The following CACNA1B variants were observed in gnomAD, a reference collection of about 807,000 sequenced individuals.
CACNA1B encodes voltage-dependent N-type calcium channel subunit alpha-1B.
In CACNA1B, 70 loss-of-function variants were observed where a neutral mutation model predicts 247.2. That is an observed-to-expected ratio of 0.28 (90% CI 0.23 to 0.35). The LOEUF is 0.35. CACNA1B is among the 10% of genes least tolerant of loss of function. CACNA1B has a pLI of 1.00. For missense variants in CACNA1B, 2,367 were observed against 3,197.4 expected, an observed-to-expected ratio of 0.74 and a Z score of 6.26; for synonymous variants, 1,231 against 1,294.4, an observed-to-expected ratio of 0.95 and a Z score of 1.05.
Position 137,889,219 on chromosome 9 carries a change from C to T in CACNA1B, c.530+6336C>T, listed in dbSNP as rs577550194. 7.5e-4 allele frequency among the ~76,000 whole-genome samples: 113 copies of T among 150,496 alleles called. 7 individuals are homozygous for T. The highest frequency in any genetic ancestry group is 3.4e-3 in the Middle Eastern group (1 of 292). On this transcript the variant is annotated intron_variant, in intron 3 of 46. Coordinates refer to ENST00000371372, the MANE Select transcript of CACNA1B (RefSeq NM_000718.4). ...CGAGCTGGGTGTGTCCGTGCTGTGA[C>T]GGAACTCTTCTGCCACAGGCTCTGC...
At chr9:137,898,871 C>A (rs374637604) in intron 3 of CACNA1B, among the ~76,000 whole-genome samples, 1 of 151,674 alleles carries the variant, frequency 6.6e-6, no homozygotes, top group Non-Finnish European at 1.5e-5. Context: ...TTAGTAGAGA[C>A]GGGGTTTCAC....
intron 32 of CACNA1B, among the ~76,000 whole-genome samples, chr9:138,070,427 G>A (rs1960084825): frequency 6.6e-6 from 1 of 152,256 alleles, no homozygotes; most frequent in South Asian, 2.1e-4. Context: ...GCATGTCACT[G>A]AATTGTGTAT....
At chr9:137,901,153 T>G (rs772468413) in intron 3 of CACNA1B, among the ~76,000 whole-genome samples, 18 of 150,938 alleles carry the variant, frequency 1.2e-4, no homozygotes, top group Non-Finnish European at 2.5e-4. Context: ...TCCCTGTGAC[T>G]GTGTTTGTGT....
chr9:138,118,718 G>A lies in CACNA1B; in HGVS notation c.5980G>A (p.Glu1994Lys), dbSNP rs2507164. 1 of 1,561,724 alleles carries A rather than the reference G, an allele frequency of 6.4e-7. No individual in the cohort carries two copies. The highest frequency in any genetic ancestry group is 8.7e-7 in the Non-Finnish European group (1 of 1,153,488). ...GPDGEPQPGL[E>K]SQGRAASMPR... The stretch of plus-strand genomic sequence containing the variant: ...TGATGGGGAGCCCCAGCCTGGGCTG[G>A]AGAGCCAGGGTCGAGCGGCCTCCAT... The change falls in exon 44 of 47, where the codon GAG (glutamate) becomes AAG (lysine). Residue 1994 changes from glutamate (E) to lysine (K), a missense_variant. Physicochemically the swap from Glu to Lys is moderately conservative, Grantham distance 56. Around this residue, in one of 12 missense-constraint regions of CACNA1B, gnomAD observed 773 missense variants for 779.4 expected, o/e 0.99. Coordinates refer to ENST00000371372, the MANE Select transcript of CACNA1B (RefSeq NM_000718.4).
chr9:138,066,651 A>C (rs1352068517), intron 31 of CACNA1B, among the ~76,000 whole-genome samples: 1 of 152,236 alleles, frequency 6.6e-6, no homozygotes, highest in Non-Finnish European at 1.5e-5. Context: ...AGTCATGGGT[A>C]AAAGATGAAA....
chr9:137,894,052 A>G (rs932643987), intron 3 of CACNA1B, among the ~76,000 whole-genome samples: 1 of 152,236 alleles, frequency 6.6e-6, no homozygotes, highest in African/African-American at 2.4e-5. Flanking sequence ...CATTTGCTTC[A>G]TGAAATACTA....
intron 31 of CACNA1B, among the ~76,000 whole-genome samples, chr9:138,063,163 C>T (rs1959793890): frequency 6.6e-6 from 1 of 152,204 alleles, no homozygotes; most frequent in Non-Finnish European, 1.5e-5. Context: ...GGCACAGTGG[C>T]CACACCTGTG....
At position 137,975,992 on chromosome 9, in the gene CACNA1B, GTCC is replaced by G. The variant is rs1554741412; in HGVS notation, c.1634_1636del (p.Ser545del). ...GCCTGGGGCCCAGAAGCTACTTCCG[GTCC>G]TCCTTCAACTGCTTCGACTTTGGGG... On this transcript the variant is annotated inframe_deletion, in exon 12 of 47. Coordinates refer to ENST00000371372, the MANE Select transcript of CACNA1B (RefSeq NM_000718.4). 1 of 1,612,164 alleles carries G rather than the reference GTCC, an allele frequency of 6.2e-7. No homozygotes were observed. The highest frequency in any genetic ancestry group is 8.5e-7 in the Non-Finnish European group (1 of 1,178,366).
rs1652380715 is a variant in CACNA1B, at chr9:137,955,422, C to T, written c.1071-276C>T. Among the ~76,000 whole-genome samples, 1 of 152,204 alleles carries T rather than the reference C, an allele frequency of 6.6e-6. No homozygotes were observed. The highest frequency in any genetic ancestry group is 6.5e-5 in the Admixed American group (1 of 15,290). ...AGAACTGCCCCTCTGGGGACCAAGG[C>T]ACCGTCCCTAAGTGCCACGGGAGTC... On this transcript the variant is annotated intron_variant, in intron 7 of 46. Coordinates refer to ENST00000371372, the MANE Select transcript of CACNA1B (RefSeq NM_000718.4). The surrounding 1 kb of genome is among the most constrained non-coding windows in gnomAD (Gnocchi z 6.9).
In CACNA1B at chr9:137,974,901, C is replaced by T. The variant is rs562242271; in HGVS notation, c.1544-1006C>T. On this transcript the variant is annotated intron_variant, in intron 11 of 46. Coordinates refer to ENST00000371372, the MANE Select transcript of CACNA1B (RefSeq NM_000718.4). The surrounding 1 kb of genome is among the most constrained non-coding windows in gnomAD (Gnocchi z 4.5). ...CCTGGCAGAGCCATGGTGCCTTTGG[C>T]CTGACCAGCACTGTGAGAAGTTTAA... is the stretch of plus-strand genomic sequence containing the variant. 6.6e-6 allele frequency among the ~76,000 whole-genome samples: 1 copy of T among 152,336 alleles called. No homozygotes were observed. The highest frequency in any genetic ancestry group is 1.9e-4 in the East Asian group (1 of 5,164).
chr9:138,120,310 G>T lies in CACNA1B; in HGVS notation c.6176G>T (p.Arg2059Leu). 2 of 1,566,248 alleles carry T rather than the reference G, an allele frequency of 1.3e-6. No individual in the cohort carries two copies. Among genetic ancestry groups the T allele is most frequent in the Non-Finnish European group, 1.7e-6 (2 of 1,160,258 alleles). ...SHHHHHRCHR[R>L]RDRKQRSLEK... ...CACCACCACCACCGCTGCCACCGCC[G>T]CAGGGACAGGAAGCAGAGGTCCCTG... Residue 2059 changes from arginine (R) to leucine (L), a missense_variant, in exon 45 of 47, where the codon CGC becomes CTC. Arg to Leu is a moderately radical substitution (Grantham distance 102, BLOSUM62 -2). Around this residue, in one of 12 missense-constraint regions of CACNA1B, gnomAD observed 773 missense variants for 779.4 expected, o/e 0.99. Coordinates refer to ENST00000371372, the MANE Select transcript of CACNA1B (RefSeq NM_000718.4).
At position 138,122,287 on chromosome 9, in the gene CACNA1B, G is replaced by C; in HGVS notation, c.*288G>C. ...CTGTGTGTGGCTGAGAAGGACCCAGGAGTCCAAATCCCGTGTCCTGGGACT... is the reference window on the plus strand; with the variant it reads ...CTGTGTGTGGCTGAGAAGGACCCAGCAGTCCAAATCCCGTGTCCTGGGACT... On this transcript the variant is annotated 3_prime_UTR_variant, in exon 47 of 47. Coordinates refer to ENST00000371372, the MANE Select transcript of CACNA1B (RefSeq NM_000718.4). 4.1e-6 allele frequency: 2 copies of C among 486,300 alleles called. No individual in the cohort carries two copies. Among genetic ancestry groups the C allele is most frequent in the South Asian group, 6.0e-5 (2 of 33,260 alleles). 30.1% of individuals were successfully genotyped at this position (486,300 alleles called of 1,614,324 possible). A position where few individuals can be genotyped will look rare whatever the true frequency, so the allele number is the denominator to read the frequency against.
At chr9:137,893,946 CT>C (rs1363355683) in intron 3 of CACNA1B, among the ~76,000 whole-genome samples, 1 of 152,244 alleles carries the variant, frequency 6.6e-6, no homozygotes, top group Non-Finnish European at 1.5e-5. Flanking sequence ...CTTCCCTTTA[CT>C]CGCTGGCAAC....
intron 6 of CACNA1B, among the ~76,000 whole-genome samples, chr9:137,920,596 T>A (rs186124445): frequency 3.9e-5 from 6 of 152,334 alleles, no homozygotes; most frequent in Admixed American, 3.9e-4. Flanking sequence ...CATGGGCTTG[T>A]CCAAATTATC....
intron 3 of CACNA1B, among the ~76,000 whole-genome samples, chr9:137,910,728 G>A (rs1349376178): frequency 6.6e-6 from 1 of 152,052 alleles, no homozygotes; most frequent in Non-Finnish European, 1.5e-5. Flanking sequence ...TAATACCACC[G>A]CCGATCTGAC....
At chr9:138,085,725 T>A (rs964820409) in intron 36 of CACNA1B, among the ~76,000 whole-genome samples, 1 of 151,342 alleles carries the variant, frequency 6.6e-6, no homozygotes, top group South Asian at 2.1e-4. Flanking sequence ...GAGAATGGAA[T>A]GGAATGGTAT....
intron 2 of CACNA1B, among the ~76,000 whole-genome samples, chr9:137,879,776 C>T (rs1006486375): frequency 5.9e-5 from 9 of 152,198 alleles, no homozygotes; most frequent in African/African-American, 1.7e-4. Flanking sequence ...GCAAGGTCTC[C>T]GTGGCTCAAC....
At chr9:138,040,325 T>A (rs1423601015) in intron 20 of CACNA1B, among the ~76,000 whole-genome samples, 1 of 152,098 alleles carries the variant, frequency 6.6e-6, no homozygotes, top group Non-Finnish European at 1.5e-5. Context: ...TTCTGTTGTG[T>A]CTTTCAGTAA....
At chr9:137,993,541 G>T (rs1440014783) in intron 15 of CACNA1B, among the ~76,000 whole-genome samples, 3 of 152,046 alleles carry the variant, frequency 2.0e-5, no homozygotes, top group Non-Finnish European at 4.4e-5. Context: ...AAATACAAAA[G>T]ATTATTCGAA....
Sources: gnomAD v4.1 joint callset for allele counts (sites outside exome capture counted in the v4.1 genomes callset) on GRCh38, gnomAD v4.1.1 for gene constraint, gnomAD v4.1.1 regional missense constraint, Gnocchi (gnomAD v3.1) non-coding constraint, MANE v1.5 for transcripts, NCBI Gene and HGNC (gene_info 2026-07-23, HGNC 2026-07-21) for gene names.